The following DLC1 variants were observed in gnomAD, a reference collection of about 807,000 sequenced individuals.
DLC1 encodes rho GTPase-activating protein 7.
Under a neutral mutation model 140.3 loss-of-function variants are expected in DLC1, and 54 were observed. The ratio of observed to expected loss-of-function variants is 0.38; its 90% CI spans 0.31 to 0.48. The LOEUF (loss-of-function observed/expected upper bound fraction) is 0.48. Among genes scored for constraint, DLC1 ranks in the 20% least tolerant of loss-of-function variants. DLC1 has a pLI of 0.96. For missense variants in DLC1, 2,536 were observed against 1,907.0 expected (o/e 1.33, Z -6.14); for synonymous variants, 986 against 728.1 (o/e 1.35, Z -5.70).
intron 5 of DLC1, among the ~76,000 whole-genome samples, chr8:13,286,486 T>C (rs1831539420): frequency 6.6e-6 from 1 of 152,160 alleles, no homozygotes; most frequent in African/African-American, 2.4e-5. Flanking sequence ...GTTCATTCAT[T>C]ATAAAAGTAT....
chr8:13,539,173 T>TTGTGTGTATGTATGTATGTA (rs5889450), intron 1 of DLC1, among the ~76,000 whole-genome samples: 1 of 110,390 alleles, frequency 9.1e-6, no homozygotes, highest in African/African-American at 3.7e-5. Context: ...GATCTGCAAA[T>TTGTGTGTATGTATGTATGTA]TGTATGTATG....
chr8:13,177,989 G>A (rs1367672197), intron 5 of DLC1, among the ~76,000 whole-genome samples: 1 of 152,018 alleles, frequency 6.6e-6, no homozygotes, highest in African/African-American at 2.4e-5. Context: ...AAGATAATAA[G>A]ATATATTTGA....
At chr8:13,405,921 C>CT (rs1554514399) in intron 2 of DLC1, among the ~76,000 whole-genome samples, 68 of 50,806 alleles carry the variant, frequency 1.3e-3, no homozygotes, top group Non-Finnish European at 1.6e-3. Context: ...CTTTTCTTTT[C>CT]TTTCTTTCTT....
intron 4 of DLC1, among the ~76,000 whole-genome samples, chr8:13,318,583 C>T (rs1476567043): frequency 6.6e-6 from 1 of 151,958 alleles, no homozygotes; most frequent in Non-Finnish European, 1.5e-5. Flanking sequence ...TAGATAACAG[C>T]AGGAAAAAAG....
At chr8:13,347,510 C>T (rs1834404554) in intron 4 of DLC1, among the ~76,000 whole-genome samples, 1 of 152,096 alleles carries the variant, frequency 6.6e-6, no homozygotes, top group Non-Finnish European at 1.5e-5. Context: ...TCTCCTCTGC[C>T]ACATACAGCC....
intron 5 of DLC1, among the ~76,000 whole-genome samples, chr8:13,285,770 C>T (rs1425150386): frequency 1.3e-5 from 2 of 152,046 alleles, no homozygotes; most frequent in Non-Finnish European, 2.9e-5. Context: ...CGTACCCTAC[C>T]AATGAATTCC....
At chr8:13,109,586 A>G (rs1347489077) in intron 7 of DLC1, among the ~76,000 whole-genome samples, 1 of 125,016 alleles carries the variant, frequency 8.0e-6, no homozygotes, top group Non-Finnish European at 1.9e-5. Flanking sequence ...AATAAAAAAC[A>G]GAACAAAAAA....
At chr8:13,422,607 T>C (rs1838369360) in intron 2 of DLC1, among the ~76,000 whole-genome samples, 1 of 152,162 alleles carries the variant, frequency 6.6e-6, no homozygotes, top group Admixed American at 6.6e-5. Flanking sequence ...TTTTAGTTAA[T>C]CTTGGAGCAA....
chr8:13,579,245 C>T (rs1226856393), intron 1 of DLC1, among the ~76,000 whole-genome samples: 1 of 18,898 alleles, frequency 5.3e-5, no homozygotes, highest in Non-Finnish European at 1.0e-4. Flanking sequence ...GAACAGGGAG[C>T]ATATATATAT....
At chr8:13,386,489 G>A (rs1343331067) in intron 4 of DLC1, among the ~76,000 whole-genome samples, 1 of 152,092 alleles carries the variant, frequency 6.6e-6, no homozygotes, top group Non-Finnish European at 1.5e-5. Context: ...ATGTATATGA[G>A]GAGGTGACCG....
chr8:13,528,102 T>C (rs369128756), intron 1 of DLC1, among the ~76,000 whole-genome samples: 5 of 152,230 alleles, frequency 3.3e-5, no homozygotes, highest in African/African-American at 1.2e-4. Context: ...TCTGTGGAAG[T>C]GACATCTTAA....
chr8:13,096,953 A>T (rs1818546328), intron 10 of DLC1, among the ~76,000 whole-genome samples: 1 of 152,220 alleles, frequency 6.6e-6, no homozygotes, highest in African/African-American at 2.4e-5. Flanking sequence ...CAATCTAGAA[A>T]CATTTCTCTG....
At chr8:13,244,330 C>T (rs551831789) in intron 5 of DLC1, among the ~76,000 whole-genome samples, 1 of 148,662 alleles carries the variant, frequency 6.7e-6, no homozygotes, top group South Asian at 2.1e-4. Flanking sequence ...CAGGATCTCA[C>T]TCTGTTGTTC....
chr8:13,142,948 C>T (rs912172030), intron 5 of DLC1, among the ~76,000 whole-genome samples: 1 of 151,526 alleles, frequency 6.6e-6, no homozygotes, highest in Non-Finnish European at 1.5e-5. Context: ...ACTTTGGAGG[C>T]TGAGGCAGGA....
At chr8:13,498,983 A>G (rs925317706) in intron 2 of DLC1, 66 bp downstream of exon 2, 23 of 1,498,060 alleles carry the variant, frequency 1.5e-5, no homozygotes, top group Middle Eastern at 1.8e-4. Context: ...AAGCAAAATG[A>G]TAACTGATAA....
intron 2 of DLC1, among the ~76,000 whole-genome samples, chr8:13,476,778 T>C (rs1308550895): frequency 1.3e-5 from 2 of 152,244 alleles, no homozygotes; most frequent in African/African-American, 4.8e-5. Flanking sequence ...AAAAACCCAC[T>C]GAATTAATGA....
intron 5 of DLC1, among the ~76,000 whole-genome samples, chr8:13,215,652 G>A (rs1284791680): frequency 6.6e-6 from 1 of 152,016 alleles, no homozygotes; most frequent in African/African-American, 2.4e-5. Context: ...CATCCTACTA[G>A]GGAAGCAAAC....
chr8:13,192,197 G>A (rs982182301), intron 5 of DLC1, among the ~76,000 whole-genome samples: 5 of 151,716 alleles, frequency 3.3e-5, no homozygotes, highest in Admixed American at 2.0e-4. Context: ...GTGATCTGCC[G>A]GCCTCGGCCT....
chr8:13,545,229 T>C (rs1585259814), intron 1 of DLC1, among the ~76,000 whole-genome samples: 1 of 151,796 alleles, frequency 6.6e-6, no homozygotes, highest in Admixed American at 6.6e-5. Context: ...AACATGGATA[T>C]CCTGCTCAAA....
Sources: allele counts gnomAD v4.1 joint callset (sites outside exome capture counted in the v4.1 genomes callset), GRCh38; gene constraint gnomAD v4.1.1; transcripts MANE v1.5; gene names NCBI Gene and HGNC (gene_info 2026-07-23, HGNC 2026-07-21).